PRR14L: variants seen among roughly 807,000 people sequenced by gnomAD.
The protein encoded by PRR14L is proline rich 14 like.
PRR14L carries 80 observed loss-of-function variants against 155.0 expected under a neutral mutation model. The ratio of observed to expected loss-of-function variants is 0.52; its 90% CI spans 0.43 to 0.62. PRR14L has a LOEUF of 0.62. PRR14L is among the 20% of genes least tolerant of loss of function. The pLI, the probability that PRR14L is intolerant of heterozygous loss-of-function variation, is 0.00. For missense variants in PRR14L, 2,469 were observed against 2,548.0 expected (o/e 0.97, Z 0.67); for synonymous variants, 883 against 916.0 (o/e 0.96, Z 0.65).
intron 7 of PRR14L, among the ~76,000 whole-genome samples, chr22:31,693,714 C>T (rs2074521954): frequency 1.3e-5 from 2 of 152,142 alleles, no homozygotes; most frequent in Non-Finnish European, 2.9e-5. Flanking sequence ...CCTGTTGCTC[C>T]ACATCCTCAT....
chr22:31,742,940 A>G (rs559614419), intron 1 of PRR14L, among the ~76,000 whole-genome samples: 1 of 152,348 alleles, frequency 6.6e-6, no homozygotes, highest in Admixed American at 6.5e-5. Flanking sequence ...TGAAGACATT[A>G]TGCTAAGTGA....
At chr22:31,691,577 T>A (rs2074511890) in intron 7 of PRR14L, among the ~76,000 whole-genome samples, 1 of 152,176 alleles carries the variant, frequency 6.6e-6, no homozygotes, top group African/African-American at 2.4e-5. Context: ...ACCTGGACTC[T>A]CCCCTGCCAC....
At chr22:31,727,234 C>CT (rs397831840) in intron 2 of PRR14L, among the ~76,000 whole-genome samples, 14,859 of 136,696 alleles carry the variant, frequency 0.11, 931 homozygotes, top group Admixed American at 0.15. Context: ...AGCCACAATT[C>CT]TTTTTTTTTT....
intron 1 of PRR14L, among the ~76,000 whole-genome samples, chr22:31,748,466 A>G (rs1482042313): frequency 6.6e-6 from 1 of 152,076 alleles, no homozygotes; most frequent in Non-Finnish European, 1.5e-5. Flanking sequence ...AATGCTCCTG[A>G]TTTCTACTGA....
chr22:31,712,083 C>T lies in PRR14L; in HGVS notation c.5756G>A (p.Ser1919Asn). The T allele has an allele frequency of 6.2e-7, 1 of 1,604,644 alleles. No homozygotes were observed. The highest frequency in any genetic ancestry group is 8.5e-7 in the Non-Finnish European group (1 of 1,175,500). ...KRQPSLGTTS[S>N]HTMLPYVPLP... is the part of the protein sequence containing the mutation. ...GTAAAGAACAGGGGACAGATTTTAC[C>T]TGCTTGTGGTGCCCAGACTTGGTTG... The change falls in exon 4 of 9, where the codon AGC becomes AAC. Residue 1919 changes from serine (S) to asparagine (N), a missense_variant and splice_region_variant. Transcript: ENST00000327423.
chr22:31,692,216 T>A (rs752892685), intron 7 of PRR14L, among the ~76,000 whole-genome samples: 2 of 152,136 alleles, frequency 1.3e-5, no homozygotes, highest in Non-Finnish European at 2.9e-5. Flanking sequence ...TTGGGTCATA[T>A]GGTAACTAAT....
At chr22:31,731,799 T>G (rs1050875791) in intron 2 of PRR14L, among the ~76,000 whole-genome samples, 2 of 152,178 alleles carry the variant, frequency 1.3e-5, no homozygotes, top group African/African-American at 4.8e-5. Flanking sequence ...ATATTTTCTA[T>G]TCTTTTTTGA....
intron 8 of PRR14L, among the ~76,000 whole-genome samples, chr22:31,686,900 CTTGAA>C (rs757897049): frequency 2.0e-5 from 3 of 152,200 alleles, no homozygotes; most frequent in Non-Finnish European, 4.4e-5. Flanking sequence ...TGTTCACTGA[CTTGAA>C]TTGAATTCAG....
At chr22:31,697,496 T>G (rs1394076539) in intron 7 of PRR14L, among the ~76,000 whole-genome samples, 2 of 152,100 alleles carry the variant, frequency 1.3e-5, no homozygotes, top group Non-Finnish European at 2.9e-5. Flanking sequence ...TTCGTGTATT[T>G]AATTATATAC....
rs1341003298 is a variant in PRR14L at position 31,687,487 on chromosome 22, G to A, written c.6179+669C>T. ...TCCTGCCTCAGCCTCCCAAATAGCT[G>A]GGATTACAGGTGTGAGCCACCATGC... On this transcript the variant is annotated intron_variant, in intron 8 of 8. Transcript: ENST00000327423. Among the ~76,000 whole-genome samples the A allele has an allele frequency of 2.0e-5, 3 of 151,266 alleles. No individual in the cohort carries two copies. The East Asian group carries it at 5.9e-4, about 30-fold the overall frequency.
intron 5 of PRR14L, 118 bp downstream of exon 5, chr22:31,704,537 T>G: frequency 1.5e-6 from 1 of 661,798 alleles, no homozygotes; most frequent in Non-Finnish European, 2.6e-6. Context: ...AGATCAGGTT[T>G]ACAAGGACAA....
rs948083353 is a variant in PRR14L, at chr22:31,682,802, G to A, written c.*2725C>T. 1 of 152,044 alleles carries A rather than the reference G, an allele frequency of 6.6e-6. No individual in the cohort carries two copies. Among genetic ancestry groups the A allele is most frequent in the Non-Finnish European group, 1.5e-5 (1 of 68,014 alleles). The allele number at this position is 152,044 out of a possible 1,614,324, so 9.4% of individuals were successfully genotyped here. A position where few individuals can be genotyped will look rare whatever the true frequency, so the allele number is the denominator to read the frequency against. On this transcript the variant is annotated 3_prime_UTR_variant, in exon 9 of 9. Transcript: ENST00000327423. ...CAGAAACTGTACCAACTCCACCCCA[G>A]AACCAGACCTCCTGTAGCTCTGGGC... is the stretch of plus-strand genomic sequence containing the variant.
chr22:31,729,529 T>C (rs1041136248), intron 2 of PRR14L, among the ~76,000 whole-genome samples: 2 of 152,188 alleles, frequency 1.3e-5, no homozygotes, highest in Non-Finnish European at 2.9e-5. Flanking sequence ...GTTACAAGTT[T>C]TAATAACTTT....
chr22:31,726,143 TA>T (rs201628522), intron 2 of PRR14L, among the ~76,000 whole-genome samples: 2,273 of 151,732 alleles, frequency 0.015, 59 homozygotes, highest in African/African-American at 0.053. Context: ...AACAGAGGTC[TA>T]AAAAAAACTT....
intron 5 of PRR14L, chr22:31,704,312 C>A: frequency 5.7e-6 from 1 of 176,528 alleles, no homozygotes; most frequent in Non-Finnish European, 1.2e-5. Context: ...TCTGGTAAAC[C>A]GCACAAATGA....
intron 3 of PRR14L, among the ~76,000 whole-genome samples, chr22:31,724,594 C>T (rs1229533026): frequency 2.0e-5 from 3 of 152,100 alleles, no homozygotes; most frequent in Non-Finnish European, 4.4e-5. Context: ...GAAGGGGTTT[C>T]GCCACATTGC....
At chr22:31,731,630 G>C (rs1265680032) in intron 2 of PRR14L, among the ~76,000 whole-genome samples, 2 of 149,814 alleles carry the variant, frequency 1.3e-5, no homozygotes, top group African/African-American at 4.9e-5. Context: ...TTTGGGTCAG[G>C]GTTCATGTTT....
Position 31,715,345 on chromosome 22 carries a change from C to G in PRR14L, c.2494G>C (p.Asp832His), listed in dbSNP as rs2074650863. Residue 832 changes from aspartate (D) to histidine (H), a missense_variant, in exon 4 of 9, where the codon GAT (aspartate) becomes CAT (histidine). Around this residue, in one of 2 missense-constraint regions of PRR14L, gnomAD observed 2,363 missense variants for 2,371.6 expected, o/e 1.00. Transcript: ENST00000327423. Reference sequence around the variant, plus strand: ...TGTCCTGTTCCTTGGCAGCAGTGATCACGGTGCTGAAATGCATTTTCATAT... The same window carrying G: ...TGTCCTGTTCCTTGGCAGCAGTGATGACGGTGCTGAAATGCATTTTCATAT... The part of the protein sequence containing the change: ...TKYENAFQHR[D>H]HCCQGTGHSV... 1 of 1,551,924 alleles carries G rather than the reference C, an allele frequency of 6.4e-7. No individual in the cohort carries two copies. The highest frequency in any genetic ancestry group is 8.7e-7 in the Non-Finnish European group (1 of 1,147,084).
At chr22:31,731,949 A>G (rs775863355) in intron 2 of PRR14L, among the ~76,000 whole-genome samples, 1 of 152,134 alleles carries the variant, frequency 6.6e-6, no homozygotes, top group Non-Finnish European at 1.5e-5. Flanking sequence ...GGCCCATCTC[A>G]CATCCCAGTT....
Sources: allele counts gnomAD v4.1 joint callset (sites outside exome capture counted in the v4.1 genomes callset), GRCh38; gene constraint gnomAD v4.1.1; regional missense constraint gnomAD v4.1.1; transcripts MANE v1.5; gene names NCBI Gene and HGNC (gene_info 2026-07-23, HGNC 2026-07-21).